The following NEDD9 variants were observed in gnomAD, a reference collection of about 807,000 sequenced individuals.
The protein encoded by NEDD9 is neural precursor cell expressed, developmentally down-regulated 9.
Under a neutral mutation model 76.6 loss-of-function variants are expected in NEDD9, and 26 were observed. The ratio of observed to expected loss-of-function variants is 0.34; its 90% confidence interval spans 0.25 to 0.47. The LOEUF is 0.47. NEDD9 is among the 20% of genes least tolerant of loss of function. The pLI is 1.00. For synonymous variants in NEDD9, 392 were observed against 414.2 expected, an observed-to-expected ratio of 0.95 and a Z score of 0.65; for missense variants, 937 against 1,058.5, an observed-to-expected ratio of 0.89 and a Z score of 1.59.
intron 3 of NEDD9, among the ~76,000 whole-genome samples, chr6:11,240,797 T>G (rs1175065661): frequency 6.6e-6 from 1 of 152,198 alleles, no homozygotes; most frequent in Non-Finnish European, 1.5e-5. Flanking sequence ...AACTTAAAGG[T>G]GAAGTGATAA....
rs1431977983 is a variant in NEDD9 at position 11,185,410 on chromosome 6, C to T, written c.2257G>A (p.Ala753Thr). The change falls in exon 7 of 7, where the codon GCA becomes ACA. Residue 753 changes from alanine to threonine, a missense_variant. Ala to Thr is a moderately conservative substitution (Grantham distance 58, BLOSUM62 0). Transcript: ENST00000379446. ...VAHSKFVILS[A>T]HKLVFIGDTL... ...TCTCCAATGAACACCAGTTTGTGTGCACTGAGGATGACAAACTTGCTGTGT... is the reference window on the plus strand; with the variant it reads ...TCTCCAATGAACACCAGTTTGTGTGTACTGAGGATGACAAACTTGCTGTGT... 6.2e-7 allele frequency: 1 copy of T among 1,614,066 alleles called. No individual in the cohort carries two copies. The highest frequency in any genetic ancestry group is 8.5e-7 in the Non-Finnish European group (1 of 1,180,046).
At position 11,345,467 on chromosome 6, in the gene NEDD9, A is replaced by AGT. The variant is rs111373981; in HGVS notation, c.-213-10908_-213-10907dup. Reference sequence around the variant, plus strand: ...GCAAGACAGCAGGTGAGAGAGAGAGAGTGTGTGTGTGTGTGTGCTACATTT... The same window carrying AGT: ...GCAAGACAGCAGGTGAGAGAGAGAGAGTGTGTGTGTGTGTGTGTGCTACATTT... On this transcript the variant is annotated intron_variant, in intron 1 of 3. Transcript: ENST00000397378. Among the ~76,000 whole-genome samples the AGT allele has an allele frequency of 9.4e-3, 1,416 of 151,140 alleles. 14 individuals carry two copies. Among genetic ancestry groups the AGT allele is most frequent in the African/African-American group, 0.028 (1,169 of 41,222 alleles).
intron 2 of NEDD9, among the ~76,000 whole-genome samples, chr6:11,197,867 G>T (rs918866043): frequency 2.0e-5 from 3 of 152,146 alleles, no homozygotes; most frequent in Non-Finnish European, 4.4e-5. Context: ...AAAGAGGAGG[G>T]TCTGTGTTTG....
chr6:11,191,346 G>A (rs913269320), intron 4 of NEDD9, 141 bp from the exon 5 acceptor site: 6 of 855,292 alleles, frequency 7.0e-6, no homozygotes, highest in South Asian at 1.9e-5. Flanking sequence ...AAGGTTCCCC[G>A]TTATTCTGCT....
chr6:11,286,886 TTTG>T (rs1191762230), intron 3 of NEDD9, among the ~76,000 whole-genome samples: 1 of 152,056 alleles, frequency 6.6e-6, no homozygotes, highest in African/African-American at 2.4e-5. Context: ...GATGGATGTG[TTTG>T]TTATCTTGGT....
At chr6:11,284,033 C>T (rs1217585251) in intron 3 of NEDD9, among the ~76,000 whole-genome samples, 1 of 151,744 alleles carries the variant, frequency 6.6e-6, no homozygotes, top group Non-Finnish European at 1.5e-5. Context: ...TGTCATCTCT[C>T]TAAGGATTGC....
chr6:11,225,819 T>A (rs9468680), intron 1 of NEDD9, among the ~76,000 whole-genome samples: 1,955 of 131,462 alleles, frequency 0.015, 34 homozygotes, highest in African/African-American at 0.05. Flanking sequence ...TTTTTTTTTT[T>A]AAAGAATAAC....
At chr6:11,325,855 A>G (rs1485805501) in intron 2 of NEDD9, among the ~76,000 whole-genome samples, 4 of 152,166 alleles carry the variant, frequency 2.6e-5, no homozygotes, top group African/African-American at 9.7e-5. Context: ...CATTTTAACA[A>G]GTTTCTTGGC....
At chr6:11,251,767 T>C (rs896604657) in intron 3 of NEDD9, 2 of 152,270 alleles carry the variant, frequency 1.3e-5, no homozygotes, top group African/African-American at 4.8e-5. Flanking sequence ...GCTGGCAAGG[T>C]TTAGCTGGAG....
At chr6:11,311,423 C>G (rs1458706565) in intron 2 of NEDD9, among the ~76,000 whole-genome samples, 2 of 152,182 alleles carry the variant, frequency 1.3e-5, no homozygotes, top group Non-Finnish European at 2.9e-5. Flanking sequence ...ACCCGTTGGT[C>G]TCTCCCAGCC....
intron 6 of NEDD9, among the ~76,000 whole-genome samples, chr6:11,187,817 T>G (rs780933390): frequency 6.6e-6 from 1 of 152,160 alleles, no homozygotes; most frequent in Non-Finnish European, 1.5e-5. Context: ...GAAGGAGAGA[T>G]AATTTACAGT....
intron 2 of NEDD9, among the ~76,000 whole-genome samples, chr6:11,206,179 G>A (rs1233832471): frequency 6.6e-6 from 1 of 152,086 alleles, no homozygotes; most frequent in Non-Finnish European, 1.5e-5. Context: ...AGCACTTTGG[G>A]AGGCCGAGGT....
At chr6:11,317,990 A>G (rs1001057960) in intron 2 of NEDD9, among the ~76,000 whole-genome samples, 1 of 152,220 alleles carries the variant, frequency 6.6e-6, no homozygotes, top group Non-Finnish European at 1.5e-5. Flanking sequence ...CCCCTGAGCA[A>G]GAGAGAAATC....
intron 3 of NEDD9, among the ~76,000 whole-genome samples, chr6:11,303,284 A>C (rs1761099894): frequency 6.6e-6 from 1 of 152,220 alleles, no homozygotes; most frequent in Admixed American, 6.5e-5. Flanking sequence ...AAAAAGAATA[A>C]AATACCTGGG....
intron 2 of NEDD9, among the ~76,000 whole-genome samples, chr6:11,324,141 C>T (rs1306589121): frequency 6.6e-6 from 1 of 152,228 alleles, no homozygotes; most frequent in Non-Finnish European, 1.5e-5. Context: ...TGCCCCTTTG[C>T]TAGTATCTGG....
At chr6:11,379,568 G>T (rs1485973591) in intron 1 of NEDD9, among the ~76,000 whole-genome samples, 1 of 151,996 alleles carries the variant, frequency 6.6e-6, no homozygotes, top group East Asian at 1.9e-4. Context: ...GACAGAGTGA[G>T]ACTTTGTCTC....
chr6:11,353,390 A>G (rs1490376886), intron 1 of NEDD9, among the ~76,000 whole-genome samples: 7 of 152,236 alleles, frequency 4.6e-5, no homozygotes, highest in Admixed American at 3.9e-4. Context: ...AAAGAGACGC[A>G]GAGGGAGAAG....
chr6:11,219,179 C>T (rs1432781433), intron 1 of NEDD9, among the ~76,000 whole-genome samples: 1 of 152,174 alleles, frequency 6.6e-6, no homozygotes, highest in African/African-American at 2.4e-5. Flanking sequence ...CCCCTCACCC[C>T]ACCTCCAACT....
At chr6:11,249,196 C>T in intron 3 of NEDD9, 1 of 455,950 alleles carries the variant, frequency 2.2e-6, no homozygotes, top group Non-Finnish European at 4.4e-6. Context: ...TGGTGGGCCT[C>T]ATCCAATCAG....
Sources: gnomAD v4.1 joint callset for allele counts (sites outside exome capture counted in the v4.1 genomes callset) on GRCh38, gnomAD v4.1.1 for gene constraint, MANE v1.5 for transcripts, NCBI Gene and HGNC (gene_info 2026-07-23, HGNC 2026-07-21) for gene names.